The following DLG5 variants were observed in gnomAD, a reference collection of about 807,000 sequenced individuals.
The protein encoded by DLG5 is discs large MAGUK scaffold protein 5, also known as disks large homolog 5.
A neutral mutation model predicts 189.8 loss-of-function variants in DLG5; 48 were observed. The observed-to-expected ratio is 0.25, with a 90% CI of 0.20 to 0.32. The LOEUF is 0.32. DLG5 is among the 10% of genes least tolerant of loss of function. DLG5 has a pLI of 1.00. For missense variants in DLG5, 2,160 were observed against 2,544.7 expected, an observed-to-expected ratio of 0.85 and a Z score of 3.25; for synonymous variants, 1,016 against 1,054.1, an observed-to-expected ratio of 0.96 and a Z score of 0.70.
intron 24 of DLG5, among the ~76,000 whole-genome samples, chr10:77,809,016 T>C (rs1397431471): frequency 6.6e-6 from 1 of 151,864 alleles, no homozygotes; most frequent in Non-Finnish European, 1.5e-5. Flanking sequence ...GGAGAATCGC[T>C]TGAACCTGGG....
rs1271382804 is a variant in DLG5 at position 77,828,909 on chromosome 10, G to A, written c.2262C>T (p.Ser754=). 6.2e-7 allele frequency: 1 copy of A among 1,614,034 alleles called. No homozygotes were observed. The highest frequency in any genetic ancestry group is 8.5e-7 in the Non-Finnish European group (1 of 1,180,036). ...LPGSPAAKEG[S]LAVGDRIVAI... is the part of the protein sequence containing the mutation. ...CAACGATCCTGTCTCCCACAGCAAG[G>A]GACCCTTCTTTAGCGGCAGGGCTTC... is the stretch of plus-strand genomic sequence containing the variant. Residue 754 remains serine (S), a synonymous_variant, in exon 13 of 32, where the codon TCC becomes TCT. Coordinates refer to ENST00000372391, the MANE Select transcript of DLG5 (RefSeq NM_004747.4).
Position 77,821,662 on chromosome 10 carries a change from G to A in DLG5, c.2822C>T (p.Ser941Phe). ...ASLDKADSEG[S>F]NSGGTWPKAM... ...CTTGGGCCAGGTCCCGCCGCTGTTGGAGCCTTCAGAGTCTGCCTTGTCCAG... is the reference window on the plus strand; with the variant it reads ...CTTGGGCCAGGTCCCGCCGCTGTTGAAGCCTTCAGAGTCTGCCTTGTCCAG... The change falls in exon 15 of 32, where the codon TCC (serine) becomes TTC (phenylalanine). Residue 941 changes from serine (S) to phenylalanine (F), a missense_variant. Physicochemically the swap from Ser to Phe is radical, Grantham distance 155. Around this residue, in one of 5 missense-constraint regions of DLG5, gnomAD observed 754 missense variants for 746.5 expected, o/e 1.01. Coordinates refer to ENST00000372391, the MANE Select transcript of DLG5 (RefSeq NM_004747.4). The A allele has an allele frequency of 2.5e-6, 4 of 1,613,090 alleles. No individual in the cohort carries two copies. Among genetic ancestry groups the A allele is most frequent in the Non-Finnish European group, 3.4e-6 (4 of 1,179,912 alleles).
intron 1 of DLG5, among the ~76,000 whole-genome samples, chr10:77,890,624 C>G (rs1297790110): frequency 6.6e-6 from 1 of 152,226 alleles, no homozygotes; most frequent in African/African-American, 2.4e-5. Context: ...CAATACCAGC[C>G]TGACCAACAT....
At chr10:77,926,925 G>A, upstream of DLG5, 3 of 353,572 alleles carry the variant, frequency 8.5e-6, no homozygotes, top group Non-Finnish European at 1.7e-5. The surrounding 1 kb of genome is among the most constrained non-coding windows in gnomAD (Gnocchi z 5.2). Context: ...CGGGCCGCGC[G>A]CCGCCCCCAG....
intron 29 of DLG5, among the ~76,000 whole-genome samples, chr10:77,795,819 G>A (rs562085280): frequency 3.3e-5 from 5 of 152,320 alleles, no homozygotes; most frequent in South Asian, 2.1e-4. Flanking sequence ...ACCTGCCAGA[G>A]AGGAAGATGG....
chr10:77,907,937 A>G (rs143408606), intron 1 of DLG5, among the ~76,000 whole-genome samples: 13 of 152,296 alleles, frequency 8.5e-5, no homozygotes, highest in Middle Eastern at 6.8e-3. Context: ...TACAAAAATA[A>G]TAAAGTATCC....
chr10:77,874,256 AG>A (rs1355287146), intron 1 of DLG5, among the ~76,000 whole-genome samples: 4 of 152,200 alleles, frequency 2.6e-5, no homozygotes, highest in Non-Finnish European at 5.9e-5. Flanking sequence ...AACTGCTTGG[AG>A]TTAACTCCCA....
Position 77,865,491 on chromosome 10 carries a change from ATCT to A in DLG5, c.373+3635_373+3637del, listed in dbSNP as rs558633969. ...TGGAGACCTCTCCATTTAATAAGAA[ATCT>A]TCTGCTATTTCAATCTTCATGGAAT... On this transcript the variant is annotated intron_variant, in intron 2 of 31. Coordinates refer to ENST00000372391, the MANE Select transcript of DLG5 (RefSeq NM_004747.4). Among the ~76,000 whole-genome samples, 358 of 152,230 alleles carry A rather than the reference ATCT, an allele frequency of 2.4e-3. 2 individuals are homozygous for A. Among genetic ancestry groups the A allele is most frequent in the South Asian group, 0.023 (112 of 4,816 alleles).
At chr10:77,847,185 C>A (rs1014973122) in intron 5 of DLG5, among the ~76,000 whole-genome samples, 9 of 152,048 alleles carry the variant, frequency 5.9e-5, no homozygotes, top group Non-Finnish European at 1.0e-4. Flanking sequence ...TTCAGCTGCT[C>A]CCCCCAGCCT....
chr10:77,817,914 G>A, intron 17 of DLG5, 25 bp from the exon 18 acceptor site: 1 of 1,536,774 alleles, frequency 6.5e-7, no homozygotes, highest in South Asian at 1.2e-5. Context: ...GAGGTGAGGA[G>A]TTCGGGAGGA....
At position 77,926,528 on chromosome 10, in the gene DLG5, GGCCGCGCCGCCCC is replaced by G; in HGVS notation, c.-21_-9del. On this transcript the variant is annotated 5_prime_UTR_variant, in exon 1 of 32. Transcript: ENST00000372391. This position sits in a 1 kb window ranked among gnomAD's most constrained non-coding sequence, Gnocchi z 5.2. The stretch of plus-strand genomic sequence containing the variant: ...CCGGCGCTGGGGCTCCATGGTGGCG[GGCCGCGCCGCCCC>G]GCCCCGCCGGACGCCTCCCGGGCCC... 7.9e-7 allele frequency: 1 copy of G among 1,273,684 alleles called. No individual in the cohort carries two copies. The highest frequency in any genetic ancestry group is 4.1e-5 in the Admixed American group (1 of 24,388). 78.9% of individuals were successfully genotyped at this position (1,273,684 alleles called of 1,614,324 possible).
intron 17 of DLG5, among the ~76,000 whole-genome samples, chr10:77,818,936 G>C (rs957899898): frequency 6.6e-6 from 1 of 152,200 alleles, no homozygotes. Context: ...GAATGAATAA[G>C]AGTGGCTTGG....
At chr10:77,828,454 T>C (rs1842745541) in intron 13 of DLG5, among the ~76,000 whole-genome samples, 1 of 130,960 alleles carries the variant, frequency 7.6e-6, no homozygotes, top group East Asian at 2.4e-4. Context: ...GCCACTGCGT[T>C]CTAACCTGGG....
At chr10:77,805,572 A>C (rs1841425971) in intron 27 of DLG5, 93 bp downstream of exon 27, 1 of 1,393,150 alleles carries the variant, frequency 7.2e-7, no homozygotes, top group Non-Finnish European at 9.8e-7. Flanking sequence ...GCAAAGTAAG[A>C]CTCTCTTTTG....
chr10:77,856,908 A>C lies in DLG5; in HGVS notation c.374-16T>G. 4 of 1,605,072 alleles carry C rather than the reference A, an allele frequency of 2.5e-6. No homozygotes were observed. The highest frequency in any genetic ancestry group is 3.4e-6 in the Non-Finnish European group (4 of 1,175,462). On this transcript the variant is annotated splice_polypyrimidine_tract_variant and intron_variant, in intron 2 of 31. Transcript: ENST00000372391. Reference sequence around the variant, plus strand: ...CCGGTAGTGCCTGTGGAAGGGGAATAATAAAGTGAACTTGTGTTCATCTGG... The same window carrying C: ...CCGGTAGTGCCTGTGGAAGGGGAATCATAAAGTGAACTTGTGTTCATCTGG...
the DLG5 span, among the ~76,000 whole-genome samples, chr10:77,934,708 T>C: frequency 6.6e-6 from 1 of 152,212 alleles, no homozygotes; most frequent in African/African-American, 2.4e-5. Flanking sequence ...AAGTGGATTC[T>C]TCCCAGAGCC....
chr10:77,806,718 A>AGCGCCCCCC, intron 26 of DLG5, 40 bp downstream of exon 26: 3 of 1,333,652 alleles, frequency 2.2e-6, no homozygotes, highest in Non-Finnish European at 3.2e-6. Context: ...GCCCTCGGCG[A>AGCGCCCCCC]CCCCTGCCCC....
rs1234099068 is a variant in DLG5, at chr10:77,926,698, G to A, written c.-178C>T. Reference sequence around the variant, plus strand: ...CCGGGGCGGCGGGCGGCGCTCAGCAGCGGCCGCCTCCCGGGCTCCGGAGCG... The same window carrying A: ...CCGGGGCGGCGGGCGGCGCTCAGCAACGGCCGCCTCCCGGGCTCCGGAGCG... On this transcript the variant is annotated 5_prime_UTR_variant, in exon 1 of 32. Transcript: ENST00000372391. The surrounding 1 kb of genome is among the most constrained non-coding windows in gnomAD (Gnocchi z 5.2). Among the ~76,000 whole-genome samples, 1 of 149,980 alleles carries A rather than the reference G, an allele frequency of 6.7e-6. No individual in the cohort carries two copies. Among genetic ancestry groups the A allele is most frequent in the African/African-American group, 2.4e-5 (1 of 41,176 alleles).
At chr10:77,819,643 TA>T in intron 16 of DLG5, 178 bp from the exon 17 acceptor site, 3 of 1,052,826 alleles carry the variant, frequency 2.8e-6, no homozygotes, top group Non-Finnish European at 4.0e-6. Flanking sequence ...TCTCCATTTG[TA>T]AAAAGGGGGG....
Sources: allele counts gnomAD v4.1 joint callset (sites outside exome capture counted in the v4.1 genomes callset), GRCh38; gene constraint gnomAD v4.1.1; regional missense constraint gnomAD v4.1.1; non-coding constraint Gnocchi (gnomAD v3.1); transcripts MANE v1.5; gene names NCBI Gene and HGNC (gene_info 2026-07-23, HGNC 2026-07-21).